Variants in GVQW3 observed in about 807,000 individuals in gnomAD.
GVQW3 encodes the protein GVQW motif containing 3, also known as protein GVQW3.
Under a neutral mutation model 12.5 loss-of-function variants are expected in GVQW3, and 7 were observed. That is an observed-to-expected ratio of 0.56 (90% CI 0.32 to 1.05). GVQW3 has a LOEUF of 1.05. Ranked by LOEUF, GVQW3 falls within the 50% of genes least tolerant of loss-of-function variation. The probability of loss-of-function intolerance (pLI) is 0.04; values close to 1 mark genes in which losing one functional copy is unlikely to be tolerated. For synonymous variants in GVQW3, 71 were observed against 67.2 expected, an observed-to-expected ratio of 1.06 and a Z score of -0.28; for missense variants, 188 against 190.8, an observed-to-expected ratio of 0.99 and a Z score of 0.09.
At chr11:76,401,807 A>C (rs918033178) in intron 1 of GVQW3, among the ~76,000 whole-genome samples, 2 of 151,890 alleles carry the variant, frequency 1.3e-5, no homozygotes, top group Non-Finnish European at 2.9e-5. Flanking sequence ...AAAGAAAAGA[A>C]AAGAAAGAAT....
In GVQW3 at chr11:76,407,973, A is replaced by G. The variant is rs1345216135; in HGVS notation, c.*4215A>G. ...AAACCCCTCAAGATAGATCCAAAAC[A>G]TTACCAGTGGTTTGATCTGGGTGAT... On this transcript the variant is annotated 3_prime_UTR_variant, in exon 2 of 2. Coordinates refer to ENST00000529331, the MANE Select transcript of GVQW3 (RefSeq NM_001347885.2). The G allele has an allele frequency of 6.6e-6, 1 of 152,094 alleles. No homozygotes were observed. Among genetic ancestry groups the G allele is most frequent in the African/African-American group, 2.4e-5 (1 of 41,402 alleles). The allele number at this position is 152,094 out of a possible 1,614,324, so 9.4% of individuals were successfully genotyped here. A position where few individuals can be genotyped will look rare whatever the true frequency, so the allele number is the denominator to read the frequency against.
At position 76,405,114 on chromosome 11, in the gene GVQW3, C is replaced by G. The variant is rs1052063131; in HGVS notation, c.*1356C>G. 6.6e-6 allele frequency: 1 copy of G among 152,172 alleles called. No homozygotes were observed. The highest frequency in any genetic ancestry group is 2.4e-5 in the African/African-American group (1 of 41,424). The allele number at this position is 152,172 out of a possible 1,614,324, so 9.4% of individuals were successfully genotyped here. On this transcript the variant is annotated 3_prime_UTR_variant, in exon 2 of 2. Transcript: ENST00000529331. ...TCTTTCCATCTTGGTTACAAGATGG[C>G]TGTGACACCCTGCCCTCACCTCCAA...
intron 1 of GVQW3, among the ~76,000 whole-genome samples, chr11:76,400,187 A>C (rs1000341859): frequency 2.7e-5 from 4 of 150,916 alleles, no homozygotes; most frequent in Non-Finnish European, 4.4e-5. Context: ...ATCTCTACTC[A>C]CTGCCACCTC....
intron 1 of GVQW3, among the ~76,000 whole-genome samples, chr11:76,391,085 G>C (rs4945078): frequency 0.51 from 77,633 of 152,084 alleles, 20,853 homozygotes; most frequent in South Asian, 0.63. Context: ...CTACAACGTG[G>C]TGGTAGTCGG....
chr11:76,389,933 C>T (rs1946875767), intron 1 of GVQW3: 1 of 152,180 alleles, frequency 6.6e-6, no homozygotes, highest in Non-Finnish European at 1.5e-5. Context: ...TGTAACTTAC[C>T]AAACTCTTAA....
chr11:76,396,974 C>T (rs1341761479), intron 1 of GVQW3, among the ~76,000 whole-genome samples: 6 of 148,206 alleles, frequency 4.0e-5, no homozygotes, highest in African/African-American at 1.5e-4. Context: ...GGTTCATCCA[C>T]GTTGGAGCAT....
At chr11:76,411,995 G>C (rs1590829269), downstream of GVQW3, 1 of 152,192 alleles carries the variant, frequency 6.6e-6, no homozygotes, top group Non-Finnish European at 1.5e-5. Flanking sequence ...TCCTCTTCCT[G>C]CCTCTTTCAA....
chr11:76,394,616 A>G (rs377474815), intron 1 of GVQW3, among the ~76,000 whole-genome samples: 3 of 152,140 alleles, frequency 2.0e-5, no homozygotes, highest in South Asian at 2.1e-4. Context: ...GTTGCTTCCA[A>G]ATCTTGGCTA....
At chr11:76,393,633 G>A (rs1010572916) in intron 1 of GVQW3, among the ~76,000 whole-genome samples, 1 of 151,628 alleles carries the variant, frequency 6.6e-6, no homozygotes, top group Non-Finnish European at 1.5e-5. Context: ...CACCATTGCT[G>A]TTCTCCCCCA....
chr11:76,384,409 G>A lies in GVQW3; in HGVS notation c.465+2116G>A, dbSNP rs1034618824. ...ACGATCTCAGCTCACTACAACCTCCGCCTCCCAGGTTCAAGTGTTTCTCCT... is the reference window on the plus strand; with the variant it reads ...ACGATCTCAGCTCACTACAACCTCCACCTCCCAGGTTCAAGTGTTTCTCCT... On this transcript the variant is annotated intron_variant, in intron 1 of 1. Coordinates refer to ENST00000529331, the MANE Select transcript of GVQW3 (RefSeq NM_001347885.2). Among the ~76,000 whole-genome samples, 5 of 152,222 alleles carry A rather than the reference G, an allele frequency of 3.3e-5. No individual in the cohort carries two copies. In the South Asian group the frequency reaches 6.2e-4, roughly 19 times the overall value.
At position 76,381,907 on chromosome 11, in the gene GVQW3, C is replaced by T. The variant is rs1223838765; in HGVS notation, c.79C>T (p.His27Tyr). The T allele has an allele frequency of 2.0e-6, 3 of 1,536,240 alleles. No homozygotes were observed. The African/African-American group carries it at 4.1e-5, about 21-fold the overall frequency. ...GAACAAGTCTGCAAGTGAGACCCAC[C>T]ATCTTTTAAAAGAAGCTTATGGGGA... is the stretch of plus-strand genomic sequence containing the variant. ...KLNKSASETH[H>Y]LLKEAYGDEV... The change falls in exon 1 of 2, where the codon CAT becomes TAT. Residue 27 changes from histidine (H) to tyrosine (Y), a missense_variant. By Grantham distance (83) the His-to-Tyr change is moderately conservative. Transcript: ENST00000529331.
chr11:76,404,442 C>G lies in GVQW3; in HGVS notation c.*684C>G, dbSNP rs1431388261. 1 of 154,658 alleles carries G rather than the reference C, an allele frequency of 6.5e-6. No homozygotes were observed. Among genetic ancestry groups the G allele is most frequent in the Non-Finnish European group, 1.4e-5 (1 of 69,814 alleles). The allele number at this position is 154,658 out of a possible 1,614,324, so 9.6% of individuals were successfully genotyped here. A position where few individuals can be genotyped will look rare whatever the true frequency, so the allele number is the denominator to read the frequency against. The stretch of plus-strand genomic sequence containing the variant: ...TCTCTCCATTGTTAGCCTTGATGGA[C>G]AATTTTTGCTGGAGCAAATATTCTG... On this transcript the variant is annotated 3_prime_UTR_variant, in exon 2 of 2. Coordinates refer to ENST00000529331, the MANE Select transcript of GVQW3 (RefSeq NM_001347885.2).
chr11:76,396,198 T>C (rs1046459633), intron 1 of GVQW3, among the ~76,000 whole-genome samples: 6 of 152,232 alleles, frequency 3.9e-5, no homozygotes, highest in African/African-American at 1.2e-4. Flanking sequence ...TTATCCCTAG[T>C]AATTATTTTT....
chr11:76,411,949 T>G (rs1231582789), downstream of GVQW3: 2 of 152,228 alleles, frequency 1.3e-5, no homozygotes, highest in African/African-American at 4.8e-5. Context: ...GGCTGAAATC[T>G]CTGGAATATG....
Position 76,381,967 on chromosome 11 carries a change from C to G in GVQW3, c.139C>G (p.His47Asp). 3.9e-6 allele frequency: 6 copies of G among 1,536,350 alleles called. No homozygotes were observed. The highest frequency in any genetic ancestry group is 5.2e-6 in the Non-Finnish European group (6 of 1,146,966). ...GTCAAGGGCCAGAGTTTTTGACTGG[C>G]ACAAAAGGTTTAAAGAAGGACGGGA... ...VMSRARVFDW[H>D]KRFKEGREDV... The change falls in exon 1 of 2, where the codon CAC becomes GAC. Residue 47 changes from histidine (H) to aspartate (D), a missense_variant. By Grantham distance (81) the His-to-Asp change is moderately conservative. Transcript: ENST00000529331.
rs1237221250 is a variant in GVQW3 at position 76,404,699 on chromosome 11, A to G, written c.*941A>G. On this transcript the variant is annotated 3_prime_UTR_variant, in exon 2 of 2. Coordinates refer to ENST00000529331, the MANE Select transcript of GVQW3 (RefSeq NM_001347885.2). The stretch of plus-strand genomic sequence containing the variant: ...AGGAGGAAGCCCAGGCCATGGCAGG[A>G]CTTACCTGTTGAGTCCTGCTGGGTT... The G allele has an allele frequency of 1.3e-5, 2 of 152,230 alleles. No individual in the cohort carries two copies. Among genetic ancestry groups the G allele is most frequent in the African/African-American group, 4.8e-5 (2 of 41,450 alleles). 9.4% of individuals were successfully genotyped at this position (152,230 alleles called of 1,614,324 possible).
chr11:76,385,801 A>G (rs1946827887), intron 1 of GVQW3, among the ~76,000 whole-genome samples: 1 of 152,164 alleles, frequency 6.6e-6, no homozygotes, highest in South Asian at 2.1e-4. Context: ...TCTAAGGGAC[A>G]TGGGCACCTT....
At chr11:76,411,522 T>G (rs969583916), downstream of GVQW3, 1 of 152,170 alleles carries the variant, frequency 6.6e-6, no homozygotes, top group African/African-American at 2.4e-5. Flanking sequence ...GAAAGCAGGG[T>G]CTCTGCCCTA....
At chr11:76,413,364 T>A (rs1947094665) in exon 2 of GVQW3, 2 of 152,172 alleles carry the variant, frequency 1.3e-5, no homozygotes, top group South Asian at 4.1e-4. Context: ...CATTGACAAC[T>A]GGCATCATGT....
Sources: gnomAD v4.1 joint callset for allele counts (sites outside exome capture counted in the v4.1 genomes callset) on GRCh38, gnomAD v4.1.1 for gene constraint, MANE v1.5 for transcripts, NCBI Gene and HGNC (gene_info 2026-07-23, HGNC 2026-07-21) for gene names.